Variants in GALNT9 observed in about 807,000 individuals in gnomAD.
GALNT9 encodes the protein GalNAc transferase 9.
GALNT9 carries 47 observed loss-of-function variants against 63.1 expected under a neutral mutation model. That is an observed-to-expected ratio of 0.75 (90% CI 0.59 to 0.95). The LOEUF (loss-of-function observed/expected upper bound fraction) is 0.95. GALNT9 is among the 40% of genes least tolerant of loss of function. The pLI, the probability that GALNT9 is intolerant of heterozygous loss-of-function variation, is 0.00. For missense variants in GALNT9, 829 were observed against 874.8 expected (o/e 0.95, Z 0.66); for synonymous variants, 396 against 365.7 (o/e 1.08, Z -0.94).
intron 1 of GALNT9, among the ~76,000 whole-genome samples, chr12:132,290,611 G>GTGCC: frequency 7.2e-6 from 1 of 139,480 alleles, no homozygotes; most frequent in East Asian, 2.2e-4. Flanking sequence ...CACAACCACA[G>GTGCC]CACCCACAAC....
chr12:132,255,074 C>T (rs1879060523), intron 5 of GALNT9, among the ~76,000 whole-genome samples: 2 of 152,200 alleles, frequency 1.3e-5, no homozygotes, highest in Non-Finnish European at 2.9e-5. Context: ...GAATAAAATT[C>T]TAAGACCCCC....
chr12:132,319,616 G>C lies in GALNT9; in HGVS notation c.238+9350C>G, dbSNP rs1360592146. ...TCTATCCGCCGGCTCCTTTCCTCGG[G>C]AGAGCCCTGACGCACACACTAGCTG... On this transcript the variant is annotated intron_variant, in intron 1 of 10. Transcript: ENST00000328957. This position sits in a 1 kb window ranked among gnomAD's most constrained non-coding sequence, Gnocchi z 5.2. Among the ~76,000 whole-genome samples, 1 of 152,128 alleles carries C rather than the reference G, an allele frequency of 6.6e-6. No homozygotes were observed. Among genetic ancestry groups the C allele is most frequent in the African/African-American group, 2.4e-5 (1 of 41,440 alleles).
intron 6 of GALNT9, among the ~76,000 whole-genome samples, chr12:132,226,898 C>T (rs893222292): frequency 3.3e-4 from 50 of 149,334 alleles, no homozygotes; most frequent in South Asian, 2.1e-4. Flanking sequence ...TCCATAAACA[C>T]GCCCCACACA....
intron 2 of GALNT9, among the ~76,000 whole-genome samples, chr12:132,271,778 C>T (rs556896381): frequency 1.3e-5 from 2 of 152,214 alleles, no homozygotes; most frequent in East Asian, 1.9e-4. Context: ...GGCCCCAAGG[C>T]GAGCAGAGCC....
At chr12:132,228,638 C>G (rs1877790349) in intron 6 of GALNT9, among the ~76,000 whole-genome samples, 1 of 152,100 alleles carries the variant, frequency 6.6e-6, no homozygotes, top group East Asian at 1.9e-4. Context: ...CACACAGCCC[C>G]CCAGCGGAGT....
chr12:132,281,573 A>T (rs1215171628), intron 2 of GALNT9, among the ~76,000 whole-genome samples: 1 of 152,330 alleles, frequency 6.6e-6, no homozygotes, highest in East Asian at 1.9e-4. Flanking sequence ...CTGGGTTTCT[A>T]TCAGTGAGGG....
chr12:132,203,393 C>T, intron 7 of GALNT9, 112 bp downstream of exon 7: 1 of 904,506 alleles, frequency 1.1e-6, no homozygotes, highest in Non-Finnish European at 1.7e-6. Context: ...TGTCAACACA[C>T]CCACTCACAC....
intron 6 of GALNT9, among the ~76,000 whole-genome samples, chr12:132,206,955 C>T (rs976616714): frequency 6.6e-6 from 1 of 152,190 alleles, no homozygotes; most frequent in African/African-American, 2.4e-5. Flanking sequence ...GTCCCAGCTG[C>T]TTGGGAGGCT....
chr12:132,227,403 C>T (rs1482457290), intron 6 of GALNT9, among the ~76,000 whole-genome samples: 4 of 152,148 alleles, frequency 2.6e-5, no homozygotes, highest in Non-Finnish European at 4.4e-5. Context: ...CCCTCCGAAG[C>T]GTGTGCCTGT....
chr12:132,250,007 A>G (rs571067925), intron 5 of GALNT9, among the ~76,000 whole-genome samples: 10 of 152,238 alleles, frequency 6.6e-5, no homozygotes, highest in African/African-American at 2.4e-4. Context: ...GTCCAGCCGG[A>G]CGCCTCTTGT....
chr12:132,200,801 T>G, intron 8 of GALNT9: 1 of 354,370 alleles, frequency 2.8e-6, no homozygotes, highest in Non-Finnish European at 5.3e-6. Context: ...TGAACACGCA[T>G]GGATGTGACT....
At chr12:132,258,946 G>A (rs1017669195) in intron 4 of GALNT9, among the ~76,000 whole-genome samples, 3 of 129,906 alleles carry the variant, frequency 2.3e-5, no homozygotes, top group East Asian at 1.9e-4. Context: ...GGGCAGATTC[G>A]GGTCGGCTCA....
At chr12:132,272,865 TGCCTTCCCCGTGGCTCTGCGCCAC>T (rs1879918429) in intron 2 of GALNT9, 1 of 152,296 alleles carries the variant, frequency 6.6e-6, no homozygotes, top group East Asian at 1.9e-4. Context: ...GGACCTCGTG[TGCCTTCCCCGTGGCTCTGCGCCAC>T]GCCTTCCCAT....
At chr12:132,260,062 C>CACACCCTGAGCAT (rs1879316647) in intron 4 of GALNT9, among the ~76,000 whole-genome samples, 1 of 72,134 alleles carries the variant, frequency 1.4e-5, no homozygotes, top group Admixed American at 1.4e-4. Context: ...ACCCAGTGCA[C>CACACCCTGAGCAT]TATGGACCCC....
chr12:132,253,441 A>G (rs1555238767), intron 5 of GALNT9, among the ~76,000 whole-genome samples: 1 of 151,552 alleles, frequency 6.6e-6, no homozygotes, highest in African/African-American at 2.4e-5. Flanking sequence ...CGGGCATGAC[A>G]GAGGGCTCAC....
intron 6 of GALNT9, among the ~76,000 whole-genome samples, chr12:132,229,026 C>A (rs951903705): frequency 6.6e-6 from 1 of 152,180 alleles, no homozygotes; most frequent in East Asian, 1.9e-4. Flanking sequence ...GAGCCAGGGG[C>A]AGAACACATG....
In GALNT9 at chr12:132,246,595, C is replaced by T. The variant is rs558775077; in HGVS notation, c.1077+1315G>A. Among the ~76,000 whole-genome samples the T allele has an allele frequency of 1.3e-5, 2 of 152,252 alleles. No homozygotes were observed. Among genetic ancestry groups the T allele is most frequent in the South Asian group, 2.1e-4 (1 of 4,826 alleles). ...TCACCCAGGCTGGAGTGCAGTGATG[C>T]GATCTCAGCTCACTGCAATTTCCGC... On this transcript the variant is annotated intron_variant, in intron 6 of 10. Coordinates refer to ENST00000328957, the MANE Select transcript of GALNT9 (RefSeq NM_001122636.2). The surrounding 1 kb of genome is among the most constrained non-coding windows in gnomAD (Gnocchi z 4.7).
At position 132,236,669 on chromosome 12, in the gene GALNT9, G is replaced by A. The variant is rs1322723058; in HGVS notation, c.1077+11241C>T. Reference sequence around the variant, plus strand: ...AATCAGCGAAAACCAAAGCCATCCCGAAGATCGCCCAGCCTCGCAAGGTGT... The same window carrying A: ...AATCAGCGAAAACCAAAGCCATCCCAAAGATCGCCCAGCCTCGCAAGGTGT... On this transcript the variant is annotated intron_variant, in intron 6 of 10. Transcript: ENST00000328957. This position sits in a 1 kb window ranked among gnomAD's most constrained non-coding sequence, Gnocchi z 5.6. Among the ~76,000 whole-genome samples the A allele has an allele frequency of 2.6e-5, 4 of 152,134 alleles. No homozygotes were observed. Among genetic ancestry groups the A allele is most frequent in the East Asian group, 1.9e-4 (1 of 5,196 alleles).
chr12:132,292,676 C>T (rs1161350252), intron 1 of GALNT9, among the ~76,000 whole-genome samples: 2 of 152,216 alleles, frequency 1.3e-5, no homozygotes, highest in South Asian at 2.1e-4. Flanking sequence ...GCTCCACTGC[C>T]TCCTGGGCCA....
Sources: allele counts gnomAD v4.1 joint callset (sites outside exome capture counted in the v4.1 genomes callset), GRCh38; gene constraint gnomAD v4.1.1; non-coding constraint Gnocchi (gnomAD v3.1); transcripts MANE v1.5; gene names NCBI Gene and HGNC (gene_info 2026-07-23, HGNC 2026-07-21).